The following DHX37 variants were observed in gnomAD, a reference collection of about 807,000 sequenced individuals.
DHX37 encodes DEAH-box helicase 37.
DHX37 carries 52 observed loss-of-function variants against 134.3 expected under a neutral mutation model. That is an observed-to-expected ratio of 0.39 (90% confidence interval 0.31 to 0.49). The LOEUF (loss-of-function observed/expected upper bound fraction) is 0.49, where lower values mean the gene tolerates loss of function less well. Among genes scored for constraint, DHX37 ranks in the 20% least tolerant of loss-of-function variants. The pLI is 0.93. For missense variants in DHX37, 1,344 were observed against 1,580.8 expected (o/e 0.85, Z 2.54); for synonymous variants, 634 against 670.7 (o/e 0.95, Z 0.85).
rs4562928 is a variant in DHX37, at chr12:124,949,888, C to G, written c.3290+98G>C. 779,063 of 1,296,084 alleles carry G rather than the reference C, an allele frequency of 0.6. 238,658 individuals carry two copies. Among genetic ancestry groups the G allele is most frequent in the East Asian group, 0.83 (32,536 of 39,194 alleles). The allele number at this position is 1,296,084 out of a possible 1,614,324, so 80.3% of individuals were successfully genotyped here. A position where few individuals can be genotyped will look rare whatever the true frequency, so the allele number is the denominator to read the frequency against. ...GAGCACAGACTTCTGATGTTTTAAGCCTCCCTGTGTGTGGTGCTTTGTCCT... is the reference window on the plus strand; with the variant it reads ...GAGCACAGACTTCTGATGTTTTAAGGCTCCCTGTGTGTGGTGCTTTGTCCT... On this transcript the variant is annotated intron_variant, in intron 25 of 26. Coordinates refer to ENST00000308736, the MANE Select transcript of DHX37 (RefSeq NM_032656.4). This position sits in a 1 kb window ranked among gnomAD's most constrained non-coding sequence, Gnocchi z 4.0.
At chr12:124,964,792 A>G (rs1954343184) in intron 14 of DHX37, 138 bp downstream of exon 14, 3 of 1,436,926 alleles carry the variant, frequency 2.1e-6, no homozygotes, top group South Asian at 2.8e-5. Flanking sequence ...CTATTCTCCA[A>G]AACTACCCCA....
At chr12:124,957,373 A>G (rs953291090) in intron 16 of DHX37, among the ~76,000 whole-genome samples, 2 of 152,204 alleles carry the variant, frequency 1.3e-5, no homozygotes, top group African/African-American at 2.4e-5. Context: ...CTGGCTAGGC[A>G]CTGAGGGCTG....
chr12:124,966,288 G>C (rs1954386032), intron 12 of DHX37, among the ~76,000 whole-genome samples: 1 of 152,154 alleles, frequency 6.6e-6, no homozygotes, highest in Non-Finnish European at 1.5e-5. Context: ...GGTTGGACTT[G>C]AACTCCTGAC....
intron 20 of DHX37, chr12:124,953,593 G>T: frequency 2.3e-6 from 1 of 435,874 alleles, no homozygotes; most frequent in Non-Finnish European, 4.2e-6. Context: ...CCAGGCCACA[G>T]CGGTGATGGA....
intron 4 of DHX37, among the ~76,000 whole-genome samples, chr12:124,978,646 C>T (rs1289989570): frequency 6.9e-6 from 1 of 144,098 alleles, no homozygotes; most frequent in Non-Finnish European, 1.5e-5. Context: ...AAATATGAGG[C>T]CAGGCATGAT....
In DHX37 at chr12:124,966,848, T is replaced by C; in HGVS notation, c.1535A>G (p.Glu512Gly). 6.2e-7 allele frequency: 1 copy of C among 1,614,228 alleles called. No homozygotes were observed. Among genetic ancestry groups the C allele is most frequent in the Non-Finnish European group, 8.5e-7 (1 of 1,180,040 alleles). The change falls in exon 12 of 27, where the codon GAG becomes GGG. Residue 512 changes from glutamate (E) to glycine (G), a missense_variant. Physicochemically the swap from Glu to Gly is moderately conservative, Grantham distance 98 (BLOSUM62 -2). Transcript: ENST00000308736. Reference protein sequence around the residue: ...EKDDDQKDSVEEMRKFKKSRA... With the variant: ...EKDDDQKDSVGEMRKFKKSRA... ...TGACTTCTTAAACTTCCGCATTTCCTCCACCGAGTCTTTCTGATCGTCGTC... is the reference window on the plus strand; with the variant it reads ...TGACTTCTTAAACTTCCGCATTTCCCCCACCGAGTCTTTCTGATCGTCGTC...
At position 124,975,520 on chromosome 12, in the gene DHX37, G is replaced by C. The variant is rs1954621038; in HGVS notation, c.888-9C>G. On this transcript the variant is annotated splice_polypyrimidine_tract_variant and intron_variant, in intron 5 of 26. Transcript: ENST00000308736. Reference sequence around the variant, plus strand: ...CGATGATGCTGTCTTCACTGGGGGAGGAAGAACATGGCCATCAACAGTGCG... The same window carrying C: ...CGATGATGCTGTCTTCACTGGGGGACGAAGAACATGGCCATCAACAGTGCG... 1 of 1,611,714 alleles carries C rather than the reference G, an allele frequency of 6.2e-7. No individual in the cohort carries two copies. The highest frequency in any genetic ancestry group is 1.3e-5 in the African/African-American group (1 of 75,048).
Position 124,949,875 on chromosome 12 carries a change from C to G in DHX37, c.3290+111G>C. Reference sequence around the variant, plus strand: ...AGCCTTCAGACCTGAGCACAGACTTCTGATGTTTTAAGCCTCCCTGTGTGT... The same window carrying G: ...AGCCTTCAGACCTGAGCACAGACTTGTGATGTTTTAAGCCTCCCTGTGTGT... On this transcript the variant is annotated intron_variant, in intron 25 of 26. Coordinates refer to ENST00000308736, the MANE Select transcript of DHX37 (RefSeq NM_032656.4). This position sits in a 1 kb window ranked among gnomAD's most constrained non-coding sequence, Gnocchi z 4.0. The G allele has an allele frequency of 8.2e-7, 1 of 1,219,700 alleles. No homozygotes were observed. Among genetic ancestry groups the G allele is most frequent in the Non-Finnish European group, 1.2e-6 (1 of 868,230 alleles). The allele number at this position is 1,219,700 out of a possible 1,614,324, so 75.6% of individuals were successfully genotyped here.
Position 124,947,725 on chromosome 12 carries a change from C to G in DHX37, c.*77G>C. The G allele has an allele frequency of 6.8e-7, 1 of 1,480,576 alleles. No individual in the cohort carries two copies. Among genetic ancestry groups the G allele is most frequent in the Admixed American group, 2.6e-5 (1 of 38,090 alleles). 91.7% of individuals were successfully genotyped at this position (1,480,576 alleles called of 1,614,324 possible). On this transcript the variant is annotated 3_prime_UTR_variant, in exon 27 of 27. Transcript: ENST00000308736. ...GGCCACGAAGCCCATGCCAGGTGGT[C>G]ACGGTCGCACGGTGACAGGCTGCTG...
chr12:124,960,578 G>T (rs73229559), intron 15 of DHX37, 155 bp from the exon 16 acceptor site: 76,587 of 829,988 alleles, frequency 0.092, 3,646 homozygotes, highest in South Asian at 0.11. Context: ...GTGCTTTACC[G>T]CTTCCTGCCT....
rs1164833243 is a variant in DHX37, at chr12:124,973,949, T to C, written c.981-1350A>G. ...TGAGCCGCCGTGCCCAGTCCCCAAA[T>C]TTTTTTTTTTTTTTCTGAGACGGAG... is the stretch of plus-strand genomic sequence containing the variant. On this transcript the variant is annotated intron_variant, in intron 6 of 26. Transcript: ENST00000308736. Among the ~76,000 whole-genome samples, 11 of 18,654 alleles carry C rather than the reference T, an allele frequency of 5.9e-4. No homozygotes were observed. The East Asian group carries it at 0.028, about 48-fold the overall frequency. 12.2% of individuals were successfully genotyped at this position (18,654 alleles called of 152,430 possible). A position where few individuals can be genotyped will look rare whatever the true frequency, so the allele number is the denominator to read the frequency against.
intron 15 of DHX37, 35 bp from the exon 16 acceptor site, chr12:124,960,458 A>T: frequency 1.3e-6 from 2 of 1,599,518 alleles, no homozygotes; most frequent in Non-Finnish European, 1.7e-6. Context: ...CAAACACAAA[A>T]CTCACACCAA....
chr12:124,957,282 C>A (rs756336079), intron 16 of DHX37, 147 bp from the exon 17 acceptor site: 1 of 606,594 alleles, frequency 1.6e-6, no homozygotes, highest in Non-Finnish European at 2.5e-6. Context: ...GGGGCACTCT[C>A]AAAGGCCAGG....
chr12:124,967,876 C>G (rs1201368918), intron 10 of DHX37, among the ~76,000 whole-genome samples: 1 of 151,942 alleles, frequency 6.6e-6, no homozygotes, highest in Non-Finnish European at 1.5e-5. Flanking sequence ...CGAGACCAGC[C>G]CGGCCAACAT....
At chr12:124,970,821 G>T (rs1416442711) in intron 8 of DHX37, among the ~76,000 whole-genome samples, 2 of 152,100 alleles carry the variant, frequency 1.3e-5, no homozygotes, top group African/African-American at 4.8e-5. Context: ...CCTACTGCAT[G>T]AAGCCGCGCC....
chr12:124,989,090 G>T lies in DHX37; in HGVS notation c.-68C>A. 4.5e-6 allele frequency: 5 copies of T among 1,113,860 alleles called. No individual in the cohort carries two copies. The highest frequency in any genetic ancestry group is 5.8e-6 in the Non-Finnish European group (5 of 864,502). The allele number at this position is 1,113,860 out of a possible 1,614,324, so 69.0% of individuals were successfully genotyped here. On this transcript the variant is annotated 5_prime_UTR_variant, in exon 1 of 27. Coordinates refer to ENST00000308736, the MANE Select transcript of DHX37 (RefSeq NM_032656.4). The stretch of plus-strand genomic sequence containing the variant: ...GAGCAATCCGAAACCCAGCCCACGT[G>T]GGTTCCCAGACCACCAACTCCGGCC...
intron 7 of DHX37, 50 bp downstream of exon 7, chr12:124,972,453 C>T (rs769234819): frequency 8.8e-6 from 14 of 1,595,808 alleles, no homozygotes; most frequent in Middle Eastern, 1.7e-4. Context: ...CCTAGCATCC[C>T]GCCCCCATGC....
chr12:124,948,189 G>A lies in DHX37; in HGVS notation c.3291-8C>T, dbSNP rs201682842. 1.7e-5 allele frequency: 28 copies of A among 1,612,892 alleles called. No individual in the cohort carries two copies. The South Asian group carries it at 2.1e-4, about 12-fold the overall frequency. On this transcript the variant is annotated splice_polypyrimidine_tract_variant and splice_region_variant and intron_variant, in intron 25 of 26. Transcript: ENST00000308736. ...TCCGTACGGGGCTGCAGCCTGTGGG[G>A]CAGGAATGCACGTTGGTGGCAGGCA... is the stretch of plus-strand genomic sequence containing the variant.
At position 124,954,087 on chromosome 12, in the gene DHX37, C is replaced by T; in HGVS notation, c.2578G>A (p.Gly860Ser). 3 of 1,606,948 alleles carry T rather than the reference C, an allele frequency of 1.9e-6. No individual in the cohort carries two copies. Among genetic ancestry groups the T allele is most frequent in the Non-Finnish European group, 2.6e-6 (3 of 1,175,658 alleles). The change falls in exon 19 of 27, where the codon GGC becomes AGC. Residue 860 changes from glycine to serine, a missense_variant and splice_region_variant. Coordinates refer to ENST00000308736, the MANE Select transcript of DHX37 (RefSeq NM_032656.4). ...ACCCTCCAACGGGCAGGGCACAAAC[C>T]CAGCAGCACCATGAGGTCGCCGAGC... ...LKLGDLMVLL[G>S]AVGACEYASC...
Sources: gnomAD v4.1 joint callset for allele counts (sites outside exome capture counted in the v4.1 genomes callset) on GRCh38, gnomAD v4.1.1 for gene constraint, Gnocchi (gnomAD v3.1) non-coding constraint, MANE v1.5 for transcripts, NCBI Gene and HGNC (gene_info 2026-07-23, HGNC 2026-07-21) for gene names.